The following SPATA6 variants were observed in gnomAD, a reference collection of about 807,000 sequenced individuals.
The protein encoded by SPATA6 is spermatogenesis-associated protein 6.
A neutral mutation model predicts 65.3 loss-of-function variants in SPATA6; 56 were observed. The observed-to-expected ratio is 0.86, with a 90% CI of 0.69 to 1.07. SPATA6 has a LOEUF of 1.07. Among genes scored for constraint, SPATA6 ranks in the 50% least tolerant of loss-of-function variants. The pLI is 0.00. For synonymous variants in SPATA6, 199 were observed against 213.2 expected (o/e 0.93, Z 0.58); for missense variants, 590 against 594.8 (o/e 0.99, Z 0.08).
intron 5 of SPATA6, among the ~76,000 whole-genome samples, chr1:48,405,339 G>A (rs745931245): frequency 2.7e-4 from 41 of 152,104 alleles, no homozygotes; most frequent in Admixed American, 2.6e-4. Flanking sequence ...GAAACTTAGC[G>A]GTTTAAAGCA....
chr1:48,328,869 G>A (rs1019732676), intron 11 of SPATA6, among the ~76,000 whole-genome samples: 4 of 152,066 alleles, frequency 2.6e-5, no homozygotes, highest in Admixed American at 1.3e-4. Flanking sequence ...ATAAAAGAGG[G>A]TAAATAATTC....
At chr1:48,275,748 C>A in the SPATA6 span, among the ~76,000 whole-genome samples, 11 of 151,940 alleles carry the variant, frequency 7.2e-5, no homozygotes, top group African/African-American at 2.4e-4. Context: ...TGATGTGCTG[C>A]TGGATTTGAT....
At chr1:48,316,791 A>G (rs549399948) in intron 11 of SPATA6, among the ~76,000 whole-genome samples, 1 of 152,348 alleles carries the variant, frequency 6.6e-6, no homozygotes, top group Admixed American at 6.5e-5. Context: ...AATCTGACAA[A>G]GGGCTAATAT....
intron 4 of SPATA6, among the ~76,000 whole-genome samples, chr1:48,412,124 T>C (rs1652301715): frequency 6.6e-6 from 1 of 152,140 alleles, no homozygotes; most frequent in Non-Finnish European, 1.5e-5. Context: ...CCCCACAAAG[T>C]GCTGGGATTA....
chr1:48,337,119 G>A (rs1430670392), intron 11 of SPATA6, among the ~76,000 whole-genome samples: 1 of 151,826 alleles, frequency 6.6e-6, no homozygotes, highest in African/African-American at 2.4e-5. Flanking sequence ...ACCAATCACT[G>A]TCATTAATTT....
chr1:48,368,950 G>A (rs555760053), intron 9 of SPATA6, among the ~76,000 whole-genome samples: 167 of 152,210 alleles, frequency 1.1e-3, no homozygotes, highest in African/African-American at 3.9e-3. Flanking sequence ...CTTTGATGAT[G>A]GTGATGTACA....
Position 48,403,789 on chromosome 1 carries a change from A to G in SPATA6, c.486+13T>C, listed in dbSNP as rs769152786. The stretch of plus-strand genomic sequence containing the variant: ...AATTAAACCATTAAATACTTTATAC[A>G]AATAATTTTAACCTGAGTGTGGCAT... On this transcript the variant is annotated intron_variant, in intron 6 of 12. Transcript: ENST00000371847. 2.5e-6 allele frequency: 4 copies of G among 1,586,372 alleles called. No individual in the cohort carries two copies. The East Asian group carries it at 9.1e-5, about 36-fold the overall frequency.
At chr1:48,315,578 A>G (rs1483948457) in intron 11 of SPATA6, among the ~76,000 whole-genome samples, 1 of 152,216 alleles carries the variant, frequency 6.6e-6, no homozygotes, top group Admixed American at 6.5e-5. Context: ...CCCACAGCCA[A>G]TATCATACTG....
the SPATA6 span, among the ~76,000 whole-genome samples, chr1:48,286,045 C>A: frequency 1.1e-4 from 16 of 152,102 alleles, no homozygotes; most frequent in Non-Finnish European, 4.4e-5. Context: ...TGCTTTTATG[C>A]CAGGATTACA....
intron 3 of SPATA6, among the ~76,000 whole-genome samples, chr1:48,415,952 C>A (rs905422763): frequency 6.6e-6 from 1 of 152,116 alleles, no homozygotes; most frequent in Admixed American, 6.5e-5. Flanking sequence ...CCTATAATCC[C>A]AGCACTTTTC....
intron 10 of SPATA6, among the ~76,000 whole-genome samples, chr1:48,356,689 G>T (rs1424215032): frequency 6.6e-6 from 1 of 151,738 alleles, no homozygotes; most frequent in Admixed American, 6.6e-5. Flanking sequence ...TGTATTTTTA[G>T]TAGAGAGGTT....
At chr1:48,348,527 C>T (rs577025362) in intron 11 of SPATA6, among the ~76,000 whole-genome samples, 4 of 152,046 alleles carry the variant, frequency 2.6e-5, no homozygotes, top group Non-Finnish European at 1.5e-5. Context: ...AATCTTCACT[C>T]TCTGCACTAC....
intron 8 of SPATA6, among the ~76,000 whole-genome samples, chr1:48,393,714 G>A (rs903265880): frequency 1.3e-5 from 2 of 152,084 alleles, no homozygotes; most frequent in African/African-American, 4.8e-5. Flanking sequence ...TCACAGTTCT[G>A]AAGACTGAAA....
the SPATA6 span, among the ~76,000 whole-genome samples, chr1:48,283,414 C>G: frequency 2.0e-5 from 3 of 151,312 alleles, no homozygotes; most frequent in East Asian, 5.8e-4. Flanking sequence ...GGCGCAGTGG[C>G]TCACACCTGT....
intron 11 of SPATA6, among the ~76,000 whole-genome samples, chr1:48,319,632 T>A (rs1301686683): frequency 6.6e-6 from 1 of 152,120 alleles, no homozygotes; most frequent in Non-Finnish European, 1.5e-5. Flanking sequence ...AGGAAAGGGA[T>A]GACTAAATAA....
chr1:48,459,516 T>C (rs975004901), intron 1 of SPATA6, among the ~76,000 whole-genome samples: 5 of 152,204 alleles, frequency 3.3e-5, no homozygotes, highest in African/African-American at 1.2e-4. Context: ...CATTTGAATT[T>C]CAGTACTTCC....
At chr1:48,330,961 G>A (rs754876661) in intron 11 of SPATA6, among the ~76,000 whole-genome samples, 1 of 152,190 alleles carries the variant, frequency 6.6e-6, no homozygotes, top group African/African-American at 2.4e-5. Context: ...GACAGTAATT[G>A]CAGAGGGGGC....
intron 3 of SPATA6, among the ~76,000 whole-genome samples, chr1:48,441,289 C>A (rs1404323117): frequency 1.3e-5 from 2 of 152,216 alleles, no homozygotes; most frequent in African/African-American, 4.8e-5. Context: ...TGGACACTGG[C>A]ACAGCTTTCT....
intron 12 of SPATA6, among the ~76,000 whole-genome samples, chr1:48,302,314 G>A (rs1451699650): frequency 6.6e-6 from 1 of 152,086 alleles, no homozygotes; most frequent in Non-Finnish European, 1.5e-5. Flanking sequence ...TGTACTCATG[G>A]TTCAATAGTG....
Sources: gnomAD v4.1 joint callset for allele counts (sites outside exome capture counted in the v4.1 genomes callset) on GRCh38, gnomAD v4.1.1 for gene constraint, MANE v1.5 for transcripts, NCBI Gene and HGNC (gene_info 2026-07-23, HGNC 2026-07-21) for gene names.